P2RX6: variants seen among roughly 807,000 people sequenced by gnomAD.
P2RX6 encodes the protein P2X purinoceptor 6.
P2RX6 carries 62 observed loss-of-function variants against 54.2 expected under a neutral mutation model. The observed-to-expected ratio is 1.14, with a 90% CI of 0.93 to 1.41. The LOEUF (loss-of-function observed/expected upper bound fraction) is 1.41, where lower values mean the gene tolerates loss of function less well. Ranked by LOEUF, P2RX6 falls within the 40% of genes most tolerant of loss-of-function variation. The probability of loss-of-function intolerance (pLI) is 0.00; values close to 1 mark genes in which losing one functional copy is unlikely to be tolerated. For missense variants in P2RX6, 541 were observed against 566.3 expected, an observed-to-expected ratio of 0.96 and a Z score of 0.45; for synonymous variants, 211 against 231.9, an observed-to-expected ratio of 0.91 and a Z score of 0.82.
chr22:21,010,253 C>T (rs979673939), upstream of P2RX6: 4 of 152,296 alleles, frequency 2.6e-5, no homozygotes, highest in African/African-American at 9.6e-5. Context: ...TTCATAGCAC[C>T]TTAGCTTCCA....
chr22:21,024,019 G>A (rs925274001), intron 8 of P2RX6, among the ~76,000 whole-genome samples: 1 of 150,228 alleles, frequency 6.7e-6, no homozygotes, highest in Non-Finnish European at 1.5e-5. Context: ...GCAGTGGCCC[G>A]ACCTCGGCTC....
At chr22:21,011,855 T>TG (rs928247109), upstream of P2RX6, among the ~76,000 whole-genome samples, 18 of 152,110 alleles carry the variant, frequency 1.2e-4, no homozygotes, top group Non-Finnish European at 2.5e-4. Context: ...ACTGCTGTGG[T>TG]GGGGGGCAGC....
chr22:21,014,939 G>A, upstream of P2RX6: 2 of 442,948 alleles, frequency 4.5e-6, no homozygotes, highest in Admixed American at 4.6e-5. Flanking sequence ...AGGAAGTGAG[G>A]CCAGAGGGCA....
intron 3 of P2RX6, chr22:21,018,689 T>G (rs1188345573): frequency 3.9e-5 from 6 of 153,414 alleles, no homozygotes; most frequent in African/African-American, 1.4e-4. Context: ...ATCAGCTCAC[T>G]GCAAGCTCTG....
chr22:21,016,106 T>A lies in P2RX6; in HGVS notation c.315+14T>A. 1.3e-6 allele frequency: 2 copies of A among 1,557,114 alleles called. No homozygotes were observed. Among genetic ancestry groups the A allele is most frequent in the Non-Finnish European group, 8.7e-7 (1 of 1,151,128 alleles). On this transcript the variant is annotated intron_variant, in intron 2 of 11. Transcript: ENST00000413302. ...AAGCCACCTCAGGTGGGGGCCCTGA[T>A]GTTGCTGACGGGGGCGCAAGTCCTT... is the stretch of plus-strand genomic sequence containing the variant.
In P2RX6 at chr22:21,025,903, G is replaced by A; in HGVS notation, c.984+5G>A. The A allele has an allele frequency of 6.3e-7, 1 of 1,579,464 alleles. No individual in the cohort carries two copies. Reference sequence around the variant, plus strand: ...GACATCCTCGTCACCGGGCAGGTAGGCACAGGTAGGGGTCAGGCCGGGGAT... The same window carrying A: ...GACATCCTCGTCACCGGGCAGGTAGACACAGGTAGGGGTCAGGCCGGGGAT... On this transcript the variant is annotated splice_donor_5th_base_variant and intron_variant, in intron 9 of 11. Coordinates refer to ENST00000413302, the MANE Select transcript of P2RX6 (RefSeq NM_005446.5).
chr22:21,023,260 T>TCTGA lies in P2RX6; in HGVS notation c.639-14_639-13insTGAC. The TCTGA allele has an allele frequency of 6.2e-7, 1 of 1,613,956 alleles. No homozygotes were observed. The highest frequency in any genetic ancestry group is 8.5e-7 in the Non-Finnish European group (1 of 1,179,874). On this transcript the variant is annotated splice_polypyrimidine_tract_variant and intron_variant, in intron 6 of 11. Transcript: ENST00000413302. ...CTTGTCCCCTACCTCATCTGACCTTTCCCACTCCTCCCAGGTCCAATGCCT... is the reference window on the plus strand; with the variant it reads ...CTTGTCCCCTACCTCATCTGACCTTTCTGACCCACTCCTCCCAGGTCCAATGCCT...
At position 21,020,594 on chromosome 22, in the gene P2RX6, C is replaced by CT. The variant is rs966307828; in HGVS notation, c.388-2068dup. On this transcript the variant is annotated intron_variant, in intron 3 of 11. Coordinates refer to ENST00000413302, the MANE Select transcript of P2RX6 (RefSeq NM_005446.5). The stretch of plus-strand genomic sequence containing the variant: ...TGAGCAGAATCTTTTTTTTTTTTTT[C>CT]TTTTTTTTTTTTTTGAGACAGAGTC... Among the ~76,000 whole-genome samples the CT allele has an allele frequency of 4.5e-3, 506 of 112,960 alleles. 2 individuals carry two copies. Among genetic ancestry groups the CT allele is most frequent in the African/African-American group, 0.011 (332 of 30,338 alleles). The allele number at this position is 112,960 out of a possible 152,430, so 74.1% of individuals were successfully genotyped here. A position where few individuals can be genotyped will look rare whatever the true frequency, so the allele number is the denominator to read the frequency against.
intron 1 of P2RX6, among the ~76,000 whole-genome samples, chr22:21,015,631 C>T (rs984608502): frequency 1.3e-5 from 2 of 152,088 alleles, no homozygotes; most frequent in African/African-American, 4.8e-5. Context: ...ACTAGGCCCC[C>T]AGAGAGACCA....
At position 21,022,705 on chromosome 22, in the gene P2RX6, G is replaced by T. The variant is rs1437052090; in HGVS notation, c.417G>T (p.Trp139Cys). The T allele has an allele frequency of 1.9e-6, 3 of 1,576,124 alleles. No homozygotes were observed. The highest frequency in any genetic ancestry group is 1.7e-6 in the Non-Finnish European group (2 of 1,162,368). ...CGTCCGTCCCACTGGCTAACTGCTG[G>T]GTCGACGAGGACTGCCCCGAAGGGG... The part of the protein sequence containing the change: ...EHPSVPLANC[W>C]VDEDCPEGEG... Residue 139 changes from tryptophan to cysteine, a missense_variant, in exon 4 of 12, where the codon TGG (tryptophan) becomes TGT (cysteine). By Grantham distance (215) the Trp-to-Cys change is radical. Coordinates refer to ENST00000413302, the MANE Select transcript of P2RX6 (RefSeq NM_005446.5).
Position 21,023,417 on chromosome 22 carries a change from G to T in P2RX6, c.780+1G>T. 6.2e-7 allele frequency: 1 copy of T among 1,614,026 alleles called. No homozygotes were observed. The highest frequency in any genetic ancestry group is 8.5e-7 in the Non-Finnish European group (1 of 1,179,882). On this transcript the variant is annotated splice_donor_variant, in intron 7 of 11. Coordinates refer to ENST00000413302, the MANE Select transcript of P2RX6 (RefSeq NM_005446.5). LOFTEE classifies it high-confidence loss of function. Reference sequence around the variant, plus strand: ...GACCTTCGAGGACCTGGCGTTGCTGGTGGGTCCCAAGTTGGGGGCAGGGTT... The same window carrying T: ...GACCTTCGAGGACCTGGCGTTGCTGTTGGGTCCCAAGTTGGGGGCAGGGTT...
Position 21,023,310 on chromosome 22 carries a change from T to A in P2RX6, c.674T>A (p.Phe225Tyr). ...NALETWDPTY[F>Y]KHCRYEPQFS... is the part of the protein sequence containing the mutation. ...TTGGAGACCTGGGACCCCACCTATT[T>A]TAAGCACTGCCGCTATGAACCACAA... Residue 225 changes from phenylalanine (F) to tyrosine (Y), a missense_variant, in exon 7 of 12, where the codon TTT becomes TAT. Physicochemically the swap from Phe to Tyr is conservative, Grantham distance 22 (BLOSUM62 3). Coordinates refer to ENST00000413302, the MANE Select transcript of P2RX6 (RefSeq NM_005446.5). 6.2e-7 allele frequency: 1 copy of A among 1,613,860 alleles called. No homozygotes were observed. The highest frequency in any genetic ancestry group is 1.3e-5 in the African/African-American group (1 of 75,006).
At position 21,026,356 on chromosome 22, in the gene P2RX6, C is replaced by G. The variant is rs746737628; in HGVS notation, c.1128+27C>G. ...TGAGCTGAGGTCGCTCTGCTTGGAC[C>G]CTGGGTTCTGCCACACTTAGGAAGA... On this transcript the variant is annotated intron_variant, in intron 11 of 11. Coordinates refer to ENST00000413302, the MANE Select transcript of P2RX6 (RefSeq NM_005446.5). This position sits in a 1 kb window ranked among gnomAD's most constrained non-coding sequence, Gnocchi z 4.0. The G allele has an allele frequency of 6.3e-7, 1 of 1,591,932 alleles. No individual in the cohort carries two copies. The highest frequency in any genetic ancestry group is 1.8e-5 in the Admixed American group (1 of 56,410).
In P2RX6 at chr22:21,016,048, G is replaced by A. The variant is rs1173940643; in HGVS notation, c.271G>A (p.Gly91Arg). ...TTCCGTCACTCAGATCAAGGAGCTT[G>A]GAAACCGGCTGTGGGATGTGGCCGA... ...GVSVTQIKEL[G>R]NRLWDVADFV... The change falls in exon 2 of 12, where the codon GGA (glycine) becomes AGA (arginine). Residue 91 changes from glycine to arginine, a missense_variant. Coordinates refer to ENST00000413302, the MANE Select transcript of P2RX6 (RefSeq NM_005446.5). 5.8e-6 allele frequency: 9 copies of A among 1,562,190 alleles called. No homozygotes were observed. The highest frequency in any genetic ancestry group is 7.8e-6 in the Non-Finnish European group (9 of 1,153,920).
intron 3 of P2RX6, among the ~76,000 whole-genome samples, chr22:21,021,826 G>A (rs1416743308): frequency 6.6e-6 from 1 of 152,106 alleles, no homozygotes; most frequent in Non-Finnish European, 1.5e-5. Flanking sequence ...AGGCATTAAT[G>A]TCCCCAGGTT....
At position 21,027,955 on chromosome 22, in the gene P2RX6, G is replaced by A. The variant is rs1294583448; in HGVS notation, c.*1338G>A. 6.6e-6 allele frequency: 1 copy of A among 151,982 alleles called. No homozygotes were observed. The highest frequency in any genetic ancestry group is 2.4e-5 in the African/African-American group (1 of 41,342). The allele number at this position is 151,982 out of a possible 1,614,324, so 9.4% of individuals were successfully genotyped here. A position where few individuals can be genotyped will look rare whatever the true frequency, so the allele number is the denominator to read the frequency against. Reference sequence around the variant, plus strand: ...TGCACCTGATTCTCCTTGGGGCCCAGAGGAAGCTGATGTCATGGCTGGACA... The same window carrying A: ...TGCACCTGATTCTCCTTGGGGCCCAAAGGAAGCTGATGTCATGGCTGGACA... On this transcript the variant is annotated 3_prime_UTR_variant, in exon 12 of 12. Transcript: ENST00000413302.
chr22:21,023,470 G>A (rs779770706), intron 7 of P2RX6, 39 bp from the exon 8 acceptor site: 9 of 1,613,482 alleles, frequency 5.6e-6, no homozygotes, highest in Non-Finnish European at 6.8e-6. Flanking sequence ...GAGGGTCCCG[G>A]GCCCACCCAC....
intron 3 of P2RX6, among the ~76,000 whole-genome samples, chr22:21,022,329 A>T (rs528244660): frequency 6.8e-4 from 104 of 152,348 alleles, no homozygotes; most frequent in African/African-American, 2.3e-3. Context: ...AGCCATGATC[A>T]TACCACTGCA....
At chr22:21,016,197 A>G in intron 2 of P2RX6, 105 bp downstream of exon 2, 5 of 1,205,134 alleles carry the variant, frequency 4.1e-6, no homozygotes, top group Non-Finnish European at 4.6e-6. Flanking sequence ...ATGTGATGCC[A>G]GAGACGGCTG....
Sources: gnomAD v4.1 joint callset for allele counts (sites outside exome capture counted in the v4.1 genomes callset) on GRCh38, gnomAD v4.1.1 for gene constraint, Gnocchi (gnomAD v3.1) non-coding constraint, MANE v1.5 for transcripts, NCBI Gene and HGNC (gene_info 2026-07-23, HGNC 2026-07-21) for gene names.